The following ZNF503 variants were observed in gnomAD, a reference collection of about 807,000 sequenced individuals.
ZNF503 encodes the protein zinc finger protein 503.
ZNF503 carries 15 observed loss-of-function variants against 34.4 expected under a neutral mutation model. The observed-to-expected ratio is 0.44, with a 90% CI of 0.29 to 0.67. The LOEUF (loss-of-function observed/expected upper bound fraction) is 0.67. Among genes scored for constraint, ZNF503 ranks in the 30% least tolerant of loss-of-function variants. ZNF503 has a pLI of 0.13. For synonymous variants in ZNF503, 580 were observed against 456.8 expected (o/e 1.27, Z -3.44); for missense variants, 1,007 against 926.8 (o/e 1.09, Z -1.12).
the ZNF503 span, among the ~76,000 whole-genome samples, chr10:75,312,188 C>A: frequency 6.6e-6 from 1 of 152,092 alleles, no homozygotes; most frequent in Non-Finnish European, 1.5e-5. Flanking sequence ...GCCTGGGTGA[C>A]AGAGTGAGAA....
At chr10:75,401,018 A>AC (rs1293537393) in intron 1 of ZNF503, 87 bp downstream of exon 1, 1 of 1,570,150 alleles carries the variant, frequency 6.4e-7, no homozygotes, top group Admixed American at 1.8e-5. Context: ...CGACCCCCCC[A>AC]CCTCCGCCCA....
At chr10:75,384,886 C>T in the ZNF503 span, among the ~76,000 whole-genome samples, 1 of 152,238 alleles carries the variant, frequency 6.6e-6, no homozygotes, top group African/African-American at 2.4e-5. Flanking sequence ...TCCTCGCTGA[C>T]CTTCATCCCT....
At chr10:75,300,704 CT>C in the ZNF503 span, among the ~76,000 whole-genome samples, 36 of 108,724 alleles carry the variant, frequency 3.3e-4, no homozygotes, top group Middle Eastern at 5.6e-3. Context: ...TTCTTTCTTT[CT>C]TTTTTTTTTT....
At chr10:75,333,544 C>T in the ZNF503 span, among the ~76,000 whole-genome samples, 14 of 65,226 alleles carry the variant, frequency 2.1e-4, no homozygotes, top group Admixed American at 5.5e-4. Context: ...CGGGCAGAGG[C>T]GCCCCTCACC....
chr10:75,310,188 G>A, the ZNF503 span, among the ~76,000 whole-genome samples: 1 of 152,124 alleles, frequency 6.6e-6, no homozygotes, highest in Non-Finnish European at 1.5e-5. Context: ...TCTAAGTATA[G>A]TTAAAAACCA....
At chr10:75,361,929 C>T in the ZNF503 span, among the ~76,000 whole-genome samples, 1 of 152,114 alleles carries the variant, frequency 6.6e-6, no homozygotes. Context: ...AAAGGGAGCC[C>T]ATACACTTTT....
At chr10:75,348,537 A>G in the ZNF503 span, among the ~76,000 whole-genome samples, 2 of 103,366 alleles carry the variant, frequency 1.9e-5, no homozygotes, top group African/African-American at 7.7e-5. Flanking sequence ...TTTGAGACAG[A>G]GTCTTGTTCT....
In ZNF503 at chr10:75,399,009, G is replaced by A. The variant is rs760281652; in HGVS notation, c.1681C>T (p.Leu561=). 42 of 1,608,924 alleles carry A rather than the reference G, an allele frequency of 2.6e-5. No homozygotes were observed. In the Middle Eastern group the frequency reaches 3.3e-3, roughly 126 times the overall value. Residue 561 remains leucine (L), a synonymous_variant, in exon 2 of 2, where the codon CTG becomes TTG. Coordinates refer to ENST00000372524, the MANE Select transcript of ZNF503 (RefSeq NM_032772.6). The part of the protein sequence containing the change: ...LLSGYPSSSS[L]ASAAAAAMAC... ...ATGGCGGCCGCGGCAGCGCTGGCCA[G>A]AGACGACGAGCTGGGGTAGCCCGAC...
chr10:75,315,943 C>T, the ZNF503 span, among the ~76,000 whole-genome samples: 1 of 152,006 alleles, frequency 6.6e-6, no homozygotes, highest in African/African-American at 2.4e-5. Context: ...AGACATAAAT[C>T]GACTTTACAT....
At chr10:75,352,914 C>T in the ZNF503 span, among the ~76,000 whole-genome samples, 1 of 152,216 alleles carries the variant, frequency 6.6e-6, no homozygotes, top group African/African-American at 2.4e-5. Context: ...CTCCCCCAGC[C>T]ACGCCTGTCT....
chr10:75,330,857 C>G, the ZNF503 span, among the ~76,000 whole-genome samples: 1 of 151,806 alleles, frequency 6.6e-6, no homozygotes, highest in African/African-American at 2.4e-5. Flanking sequence ...TCTGCTCTGA[C>G]CTTTATTATT....
chr10:75,401,186 C>T lies in ZNF503; in HGVS notation c.234G>A (p.Lys78=). The part of the protein sequence containing the change: ...QANRLPIKVL[K]MLTARTGHIL... ...TGTGGCCAGTTCGTGCCGTCAGCAT[C>T]TTCAGCACCTTGATTGGCAGGCGGT... is the stretch of plus-strand genomic sequence containing the variant. The change falls in exon 1 of 2, where the codon AAG becomes AAA. Residue 78 remains lysine (K), a synonymous_variant. Transcript: ENST00000372524. 2 of 1,610,064 alleles carry T rather than the reference C, an allele frequency of 1.2e-6. No individual in the cohort carries two copies. Among genetic ancestry groups the T allele is most frequent in the Non-Finnish European group, 8.5e-7 (1 of 1,177,706 alleles).
chr10:75,341,496 C>T, the ZNF503 span, among the ~76,000 whole-genome samples: 4 of 152,234 alleles, frequency 2.6e-5, no homozygotes, highest in Admixed American at 2.6e-4. Flanking sequence ...TTATGTCTTT[C>T]TCTTCACTCA....
chr10:75,328,591 G>A, the ZNF503 span, among the ~76,000 whole-genome samples: 5 of 151,774 alleles, frequency 3.3e-5, no homozygotes, highest in African/African-American at 1.2e-4. Flanking sequence ...GGTCTTCTGC[G>A]GTTCCATACA....
In ZNF503 at chr10:75,399,019, G is replaced by T. The variant is rs761200649; in HGVS notation, c.1671C>A (p.Ser557Arg). Reference protein sequence around the residue: ...GTDKLLSGYPSSSSLASAAAA... With the variant: ...GTDKLLSGYPRSSSLASAAAA... ...CGGCAGCGCTGGCCAGAGACGACGA[G>T]CTGGGGTAGCCCGACAGCAGTTTGT... The change falls in exon 2 of 2, where the codon AGC (serine) becomes AGA (arginine). Residue 557 changes from serine to arginine, a missense_variant. Ser to Arg is a moderately radical substitution (Grantham distance 110). Coordinates refer to ENST00000372524, the MANE Select transcript of ZNF503 (RefSeq NM_032772.6). 2 of 1,610,344 alleles carry T rather than the reference G, an allele frequency of 1.2e-6. No individual in the cohort carries two copies. Among genetic ancestry groups the T allele is most frequent in the Non-Finnish European group, 1.7e-6 (2 of 1,179,640 alleles).
At chr10:75,371,262 T>C in the ZNF503 span, among the ~76,000 whole-genome samples, 1 of 152,040 alleles carries the variant, frequency 6.6e-6, no homozygotes, top group South Asian at 2.1e-4. Flanking sequence ...AAGATGTGGA[T>C]CAAGAAAGGT....
Position 75,401,566 on chromosome 10 carries a change from G to C in ZNF503, c.-147C>G, listed in dbSNP as rs938897456. On this transcript the variant is annotated 5_prime_UTR_variant, in exon 1 of 2. Coordinates refer to ENST00000372524, the MANE Select transcript of ZNF503 (RefSeq NM_032772.6). ...CCACGGGCGCCCAGCGCGCCTTCTC[G>C]GCGCCTGGAGCCAGACGCGAGTAAT... 13 of 948,120 alleles carry C rather than the reference G, an allele frequency of 1.4e-5. No homozygotes were observed. The highest frequency in any genetic ancestry group is 1.9e-5 in the Non-Finnish European group (12 of 643,188). The allele number at this position is 948,120 out of a possible 1,614,324, so 58.7% of individuals were successfully genotyped here.
the ZNF503 span, among the ~76,000 whole-genome samples, chr10:75,366,574 C>T: frequency 1.3e-5 from 2 of 152,238 alleles, no homozygotes. Context: ...CTCAGAGGGA[C>T]ATCCAAGGGG....
chr10:75,380,818 C>T, the ZNF503 span, among the ~76,000 whole-genome samples: 10 of 152,256 alleles, frequency 6.6e-5, no homozygotes, highest in East Asian at 1.9e-3. Context: ...AATATTGTTT[C>T]AAAGTTCCAT....
Sources: allele counts gnomAD v4.1 joint callset (sites outside exome capture counted in the v4.1 genomes callset), GRCh38; gene constraint gnomAD v4.1.1; transcripts MANE v1.5; gene names NCBI Gene and HGNC (gene_info 2026-07-23, HGNC 2026-07-21).